The following PDGFC variants were observed in gnomAD, a reference collection of about 807,000 sequenced individuals.
PDGFC encodes the protein platelet derived growth factor C.
Under a neutral mutation model 35.5 loss-of-function variants are expected in PDGFC, and 12 were observed. The ratio of observed to expected loss-of-function variants is 0.34; its 90% confidence interval spans 0.22 to 0.55. The LOEUF is 0.55. Among genes scored for constraint, PDGFC ranks in the 20% least tolerant of loss-of-function variants. The pLI, the probability that PDGFC is intolerant of heterozygous loss-of-function variation, is 0.91. For missense variants in PDGFC, 322 were observed against 412.4 expected (o/e 0.78, Z 1.90); for synonymous variants, 159 against 148.8 (o/e 1.07, Z -0.50).
At chr4:156,793,561 AT>A (rs35200575) in intron 3 of PDGFC, among the ~76,000 whole-genome samples, 178 of 139,476 alleles carry the variant, frequency 1.3e-3, no homozygotes, top group Middle Eastern at 3.7e-3. Flanking sequence ...ATATATATAT[AT>A]AAAACACTTT....
chr4:156,871,170 C>A (rs1729974377), intron 1 of PDGFC, among the ~76,000 whole-genome samples: 1 of 152,166 alleles, frequency 6.6e-6, no homozygotes, highest in South Asian at 2.1e-4. Flanking sequence ...GATGCCAAGA[C>A]AGGGGTTTTA....
intron 5 of PDGFC, among the ~76,000 whole-genome samples, chr4:156,766,893 G>A (rs1730545116): frequency 6.6e-6 from 1 of 152,038 alleles, no homozygotes; most frequent in Non-Finnish European, 1.5e-5. Flanking sequence ...GGATTTCACT[G>A]AAATCTTGAT....
At chr4:156,925,251 C>T (rs1298914084) in intron 1 of PDGFC, among the ~76,000 whole-genome samples, 1 of 152,092 alleles carries the variant, frequency 6.6e-6, no homozygotes, top group Admixed American at 6.5e-5. Context: ...GCTTCAGAAA[C>T]CAGGGTAAGA....
At chr4:156,869,727 G>A (rs529209246) in intron 1 of PDGFC, among the ~76,000 whole-genome samples, 1 of 152,074 alleles carries the variant, frequency 6.6e-6, no homozygotes, top group African/African-American at 2.4e-5. Context: ...AATCAGCTGA[G>A]GAAATAAAAA....
At chr4:156,855,303 T>C (rs1221055691) in intron 1 of PDGFC, among the ~76,000 whole-genome samples, 1 of 152,176 alleles carries the variant, frequency 6.6e-6, no homozygotes, top group Admixed American at 6.5e-5. Context: ...ACATTATTAA[T>C]AAAGATAACA....
intron 3 of PDGFC, among the ~76,000 whole-genome samples, chr4:156,780,919 T>C (rs1345311866): frequency 6.6e-6 from 1 of 152,168 alleles, no homozygotes; most frequent in Non-Finnish European, 1.5e-5. Flanking sequence ...GATTTTCTTT[T>C]ACCTAACAAG....
At chr4:156,936,887 G>C (rs1731695243) in intron 1 of PDGFC, among the ~76,000 whole-genome samples, 2 of 152,186 alleles carry the variant, frequency 1.3e-5, no homozygotes, top group South Asian at 4.1e-4. Context: ...GAAAACATTT[G>C]AAAATAGGAA....
At position 156,765,523 on chromosome 4, in the gene PDGFC, G is replaced by C. The variant is rs75753711; in HGVS notation, c.921+2250C>G. 3.9e-5 allele frequency among the ~76,000 whole-genome samples: 6 copies of C among 152,212 alleles called. No homozygotes were observed. In the East Asian group the frequency reaches 1.2e-3, roughly 29 times the overall value. Reference sequence around the variant, plus strand: ...AACTTTTGAGAACCACAGAGCACTGGGAACAGGGATTCAGCACTAGAATCA... The same window carrying C: ...AACTTTTGAGAACCACAGAGCACTGCGAACAGGGATTCAGCACTAGAATCA... On this transcript the variant is annotated intron_variant, in intron 5 of 5. Coordinates refer to ENST00000502773, the MANE Select transcript of PDGFC (RefSeq NM_016205.3).
At chr4:156,795,169 CA>C (rs1276323141) in intron 3 of PDGFC, among the ~76,000 whole-genome samples, 1 of 152,114 alleles carries the variant, frequency 6.6e-6, no homozygotes, top group Non-Finnish European at 1.5e-5. Flanking sequence ...CTAAGTTATT[CA>C]AATATTATGT....
In PDGFC at chr4:156,760,858, T is replaced by C. The variant is rs1286293994; in HGVS notation, c.*2232A>G. ...GGATTAAACACAGTTAAACAGGCTATTTACTAAGACTTAGTAGTCTTTACT... is the reference window on the plus strand; with the variant it reads ...GGATTAAACACAGTTAAACAGGCTACTTACTAAGACTTAGTAGTCTTTACT... On this transcript the variant is annotated 3_prime_UTR_variant, in exon 6 of 6. Transcript: ENST00000502773. 1 of 152,152 alleles carries C rather than the reference T, an allele frequency of 6.6e-6. No individual in the cohort carries two copies. Among genetic ancestry groups the C allele is most frequent in the East Asian group, 1.9e-4 (1 of 5,196 alleles). The allele number at this position is 152,152 out of a possible 1,614,324, so 9.4% of individuals were successfully genotyped here.
chr4:156,934,983 G>A (rs570161779), intron 1 of PDGFC, among the ~76,000 whole-genome samples: 13 of 152,040 alleles, frequency 8.6e-5, no homozygotes, highest in Admixed American at 3.9e-4. Context: ...TACAGTTAAC[G>A]TTTTTTTGTT....
chr4:156,881,850 G>T (rs1730251917), intron 1 of PDGFC, among the ~76,000 whole-genome samples: 1 of 148,314 alleles, frequency 6.7e-6, no homozygotes, highest in Non-Finnish European at 1.5e-5. Flanking sequence ...AAAAAAGCAA[G>T]AGTTTCCTTA....
At chr4:156,880,805 G>A (rs566571661) in intron 1 of PDGFC, among the ~76,000 whole-genome samples, 10 of 152,250 alleles carry the variant, frequency 6.6e-5, no homozygotes, top group Non-Finnish European at 1.3e-4. Context: ...AGACGTAAGT[G>A]AATTGCTGCA....
chr4:156,885,609 T>C (rs1182133619), intron 1 of PDGFC, among the ~76,000 whole-genome samples: 1 of 152,148 alleles, frequency 6.6e-6, no homozygotes, highest in African/African-American at 2.4e-5. Context: ...ATTTAGGTCA[T>C]GGCCAAGCTA....
At chr4:156,889,658 T>C (rs1206310961) in intron 1 of PDGFC, among the ~76,000 whole-genome samples, 1 of 152,204 alleles carries the variant, frequency 6.6e-6, no homozygotes, top group Non-Finnish European at 1.5e-5. Flanking sequence ...CTCCACACAA[T>C]TCTACAAAGT....
At chr4:156,788,044 G>T (rs529119036) in intron 3 of PDGFC, among the ~76,000 whole-genome samples, 1 of 152,250 alleles carries the variant, frequency 6.6e-6, no homozygotes, top group African/African-American at 2.4e-5. Flanking sequence ...TCTAGAGAAT[G>T]ACAACAGCAT....
chr4:156,907,344 G>A (rs560773210), intron 1 of PDGFC, among the ~76,000 whole-genome samples: 3 of 152,224 alleles, frequency 2.0e-5, no homozygotes, highest in Admixed American at 2.0e-4. Context: ...AAATGAGTGA[G>A]ATTACATAAT....
intron 2 of PDGFC, among the ~76,000 whole-genome samples, chr4:156,840,503 C>A (rs1293379680): frequency 6.6e-6 from 1 of 152,212 alleles, no homozygotes; most frequent in Non-Finnish European, 1.5e-5. Context: ...AGGGGTGGAG[C>A]CCTCATGGAG....
At chr4:156,928,576 G>A (rs1731473520) in intron 1 of PDGFC, among the ~76,000 whole-genome samples, 1 of 152,142 alleles carries the variant, frequency 6.6e-6, no homozygotes, top group South Asian at 2.1e-4. Context: ...AGGCCTGAAT[G>A]GCAAATGGAG....
Sources: gnomAD v4.1 joint callset for allele counts (sites outside exome capture counted in the v4.1 genomes callset) on GRCh38, gnomAD v4.1.1 for gene constraint, MANE v1.5 for transcripts, NCBI Gene and HGNC (gene_info 2026-07-23, HGNC 2026-07-21) for gene names.